The following BCL7A variants were observed in gnomAD, a reference collection of about 807,000 sequenced individuals.
BCL7A encodes the protein BAF chromatin remodeling complex subunit BCL7A.
A neutral mutation model predicts 28.4 loss-of-function variants in BCL7A; 11 were observed. That is an observed-to-expected ratio of 0.39 (90% CI 0.24 to 0.64). BCL7A has a LOEUF of 0.64. BCL7A is among the 30% of genes least tolerant of loss of function. The probability of loss-of-function intolerance (pLI) is 0.50; values close to 1 mark genes in which losing one functional copy is unlikely to be tolerated. For synonymous variants in BCL7A, 123 were observed against 103.3 expected (o/e 1.19, Z -1.15); for missense variants, 222 against 274.8 (o/e 0.81, Z 1.36).
chr12:122,037,462 G>A (rs1385871148), intron 3 of BCL7A, among the ~76,000 whole-genome samples: 3 of 152,134 alleles, frequency 2.0e-5, no homozygotes, highest in Non-Finnish European at 4.4e-5. Context: ...TGCTCAAATC[G>A]ACCTGTCTGG....
chr12:122,024,158 T>G (rs1315981032), intron 1 of BCL7A, among the ~76,000 whole-genome samples: 1 of 152,328 alleles, frequency 6.6e-6, no homozygotes, highest in East Asian at 1.9e-4. Context: ...TGAGGGGCTG[T>G]ACCTCTGCGC....
rs529899525 is a variant in BCL7A, at chr12:122,026,730, A to G, written c.93-3970A>G. On this transcript the variant is annotated intron_variant, in intron 1 of 5. Transcript: ENST00000261822. The stretch of plus-strand genomic sequence containing the variant: ...CCTCTTGAGGTGACAGGGACTAGCC[A>G]TGAGGAGTGAGTACAAGGACAGGGA... Among the ~76,000 whole-genome samples the G allele has an allele frequency of 3.3e-5, 5 of 152,322 alleles. No individual in the cohort carries two copies. In the East Asian group the frequency reaches 9.7e-4, roughly 29 times the overall value.
chr12:122,036,558 C>T (rs1227408242), intron 3 of BCL7A, among the ~76,000 whole-genome samples: 1 of 152,116 alleles, frequency 6.6e-6, no homozygotes, highest in Admixed American at 6.6e-5. Flanking sequence ...GTGTGTATGA[C>T]TCCATGAAAT....
intron 3 of BCL7A, among the ~76,000 whole-genome samples, chr12:122,036,351 T>C (rs2135846924): frequency 6.6e-6 from 1 of 152,160 alleles, no homozygotes; most frequent in African/African-American, 2.4e-5. Flanking sequence ...GAGCTATGAT[T>C]GCACCTGAGA....
intron 5 of BCL7A, 111 bp downstream of exon 5, chr12:122,055,037 G>C: frequency 6.3e-7 from 1 of 1,591,594 alleles, no homozygotes; most frequent in South Asian, 1.1e-5. Flanking sequence ...TTTGTCGTTG[G>C]ACCATTGGAA....
intron 1 of BCL7A, among the ~76,000 whole-genome samples, chr12:122,024,021 C>T (rs1043091880): frequency 2.6e-5 from 4 of 152,050 alleles, no homozygotes; most frequent in African/African-American, 9.7e-5. Context: ...TCCCGCAGAG[C>T]GGCCAGCTGC....
intron 4 of BCL7A, among the ~76,000 whole-genome samples, chr12:122,047,183 T>C (rs1333034837): frequency 4.0e-5 from 6 of 151,766 alleles, no homozygotes; most frequent in Non-Finnish European, 8.8e-5. Flanking sequence ...ATTACAGGTG[T>C]GAACCACCAC....
Position 122,022,627 on chromosome 12 carries a change from C to T in BCL7A, c.92+444C>T, listed in dbSNP as rs927172767. On this transcript the variant is annotated intron_variant, in intron 1 of 5. Transcript: ENST00000261822. ...AGCGCGAGCTCCATTGTGCAGGCTC[C>T]GAGCGGGCCGCCGCCGCCGTCTCCT... 1.0e-4 allele frequency among the ~76,000 whole-genome samples: 15 copies of T among 145,492 alleles called. No homozygotes were observed. The East Asian group carries it at 2.5e-3, about 24-fold the overall frequency.
chr12:122,045,002 G>A (rs1481757637), intron 4 of BCL7A, among the ~76,000 whole-genome samples: 2 of 152,088 alleles, frequency 1.3e-5, no homozygotes, highest in African/African-American at 4.8e-5. Context: ...ATAAGACAAG[G>A]CTCAAACTGG....
chr12:122,034,953 C>T (rs1348201652), intron 2 of BCL7A, among the ~76,000 whole-genome samples: 1 of 152,180 alleles, frequency 6.6e-6, no homozygotes, highest in Admixed American at 6.5e-5. Context: ...CCTGGCATTA[C>T]TTTGTACCTG....
rs1032364187 is a variant in BCL7A at position 122,059,468 on chromosome 12, T to C, written c.*305T>C. 3.0e-6 allele frequency: 1 copy of C among 336,228 alleles called. No homozygotes were observed. Among genetic ancestry groups the C allele is most frequent in the Non-Finnish European group, 5.6e-6 (1 of 179,714 alleles). The allele number at this position is 336,228 out of a possible 1,614,324, so 20.8% of individuals were successfully genotyped here. A position where few individuals can be genotyped will look rare whatever the true frequency, so the allele number is the denominator to read the frequency against. ...ATTCCATTTGTGTTGCTGCTGTATT[T>C]TCCCCCCACTTCTCTATGTAACGAT... is the stretch of plus-strand genomic sequence containing the variant. On this transcript the variant is annotated 3_prime_UTR_variant, in exon 6 of 6. Transcript: ENST00000261822. The surrounding 1 kb of genome is among the most constrained non-coding windows in gnomAD (Gnocchi z 4.0).
intron 1 of BCL7A, among the ~76,000 whole-genome samples, chr12:122,028,244 A>G (rs1883671048): frequency 6.6e-6 from 1 of 152,098 alleles, no homozygotes; most frequent in South Asian, 2.1e-4. Flanking sequence ...AGTTGGGGCA[A>G]AGAGAGGCAC....
At chr12:122,053,627 T>G (rs1365847906) in intron 4 of BCL7A, among the ~76,000 whole-genome samples, 2 of 152,090 alleles carry the variant, frequency 1.3e-5, no homozygotes, top group African/African-American at 4.8e-5. Context: ...TGTCTGGCTC[T>G]GTGTCCAGTA....
intron 4 of BCL7A, among the ~76,000 whole-genome samples, chr12:122,048,020 C>T (rs1884112171): frequency 6.6e-6 from 1 of 151,224 alleles, no homozygotes; most frequent in Non-Finnish European, 1.5e-5. Flanking sequence ...TCTCCTGCCT[C>T]AGCCTCCAGA....
At chr12:122,023,537 C>G (rs1883527223) in intron 1 of BCL7A, among the ~76,000 whole-genome samples, 2 of 152,334 alleles carry the variant, frequency 1.3e-5, no homozygotes, top group South Asian at 2.1e-4. Flanking sequence ...AGTCCACGTG[C>G]TCCCCGGCCT....
intron 2 of BCL7A, among the ~76,000 whole-genome samples, chr12:122,035,124 G>T (rs1377461470): frequency 6.6e-6 from 1 of 152,140 alleles, no homozygotes; most frequent in Non-Finnish European, 1.5e-5. Flanking sequence ...CCACTGTGGG[G>T]CTCTCTGATT....
At chr12:122,053,426 C>T (rs1312576950) in intron 4 of BCL7A, among the ~76,000 whole-genome samples, 2 of 152,190 alleles carry the variant, frequency 1.3e-5, no homozygotes, top group Admixed American at 1.3e-4. Context: ...TTCTTCTTCC[C>T]ATCTTGCCTG....
At chr12:122,030,040 AC>A (rs1416717043) in intron 1 of BCL7A, among the ~76,000 whole-genome samples, 4 of 152,058 alleles carry the variant, frequency 2.6e-5, no homozygotes, top group Non-Finnish European at 5.9e-5. Flanking sequence ...AGCTGGGGTG[AC>A]CTTGCAGACA....
intron 4 of BCL7A, among the ~76,000 whole-genome samples, chr12:122,045,727 T>C (rs1304973421): frequency 6.6e-6 from 1 of 152,086 alleles, no homozygotes. Context: ...TCTGGGACCA[T>C]TTGAAAGTAA....
Sources: gnomAD v4.1 joint callset for allele counts (sites outside exome capture counted in the v4.1 genomes callset) on GRCh38, gnomAD v4.1.1 for gene constraint, Gnocchi (gnomAD v3.1) non-coding constraint, MANE v1.5 for transcripts, NCBI Gene and HGNC (gene_info 2026-07-23, HGNC 2026-07-21) for gene names.